KLF13: variants seen among roughly 807,000 people sequenced by gnomAD.
The protein encoded by KLF13 is KLF transcription factor 13, also known as Krueppel-like factor 13.
A neutral mutation model predicts 16.7 loss-of-function variants in KLF13; 8 were observed. That is an observed-to-expected ratio of 0.48 (90% CI 0.28 to 0.87). The LOEUF (loss-of-function observed/expected upper bound fraction) is 0.87, where lower values mean the gene tolerates loss of function less well. Ranked by LOEUF, KLF13 falls within the 40% of genes least tolerant of loss-of-function variation. The pLI is 0.10. For missense variants in KLF13, 447 were observed against 452.2 expected (o/e 0.99, Z 0.10); for synonymous variants, 245 against 208.4 (o/e 1.18, Z -1.51).
intron 1 of KLF13, among the ~76,000 whole-genome samples, chr15:31,364,106 G>A (rs200250870): frequency 2.8e-5 from 4 of 140,688 alleles, no homozygotes; most frequent in Non-Finnish European, 4.7e-5. Flanking sequence ...ACGAAACTGT[G>A]TTGAATCCTG....
At chr15:31,422,497 T>C (rs1027381046) in intron 1 of KLF13, among the ~76,000 whole-genome samples, 5 of 117,480 alleles carry the variant, frequency 4.3e-5, no homozygotes, top group African/African-American at 1.4e-4. Flanking sequence ...GGGGAAACCA[T>C]CCCCATGATC....
chr15:31,331,043 A>G (rs1401517270), intron 1 of KLF13, among the ~76,000 whole-genome samples: 1 of 152,126 alleles, frequency 6.6e-6, no homozygotes, highest in Non-Finnish European at 1.5e-5. Context: ...GAATGGGGAG[A>G]CTTGGCAGGC....
chr15:31,337,683 G>A (rs1218349904), intron 1 of KLF13, among the ~76,000 whole-genome samples: 6 of 152,348 alleles, frequency 3.9e-5, no homozygotes, highest in South Asian at 2.1e-4. Flanking sequence ...GTAGGCAACT[G>A]TAACACAATG....
At chr15:31,417,652 C>A (rs2040270847) in intron 1 of KLF13, among the ~76,000 whole-genome samples, 1 of 151,872 alleles carries the variant, frequency 6.6e-6, no homozygotes, top group East Asian at 1.9e-4. Flanking sequence ...AGGGATTCTC[C>A]TGTCTCAGCC....
At chr15:31,328,104 C>T (rs957624139) in intron 1 of KLF13, among the ~76,000 whole-genome samples, 42 of 134,772 alleles carry the variant, frequency 3.1e-4, no homozygotes, top group Non-Finnish European at 4.2e-4. Context: ...CCCTCCCGGC[C>T]GGGAGGCGGC....
upstream of KLF13, among the ~76,000 whole-genome samples, chr15:31,388,040 T>C (rs1018050320): frequency 6.6e-6 from 1 of 152,128 alleles, no homozygotes. Flanking sequence ...CAAGAACAGG[T>C]TTCATTGATC....
intron 1 of KLF13, among the ~76,000 whole-genome samples, chr15:31,422,443 A>G (rs2086183966): frequency 6.6e-6 from 1 of 152,118 alleles, no homozygotes; most frequent in African/African-American, 2.4e-5. Context: ...ATGCTTATAA[A>G]ACCATCAGAT....
Position 31,377,467 on chromosome 15 carries a change from T to C in KLF13, c.*5168T>C, listed in dbSNP as rs1382505877. Reference sequence around the variant, plus strand: ...TGCTTGTGTGCATGTGTTGGGTGCATGCTTCCGGGTCTCAGCTGCCCCAGG... The same window carrying C: ...TGCTTGTGTGCATGTGTTGGGTGCACGCTTCCGGGTCTCAGCTGCCCCAGG... On this transcript the variant is annotated 3_prime_UTR_variant, in exon 2 of 2. Transcript: ENST00000307145. 1 of 152,654 alleles carries C rather than the reference T, an allele frequency of 6.6e-6. No homozygotes were observed. Among genetic ancestry groups the C allele is most frequent in the Non-Finnish European group, 1.5e-5 (1 of 68,062 alleles). The allele number at this position is 152,654 out of a possible 1,614,324, so 9.5% of individuals were successfully genotyped here.
chr15:31,372,167 C>T lies in KLF13; in HGVS notation c.735C>T (p.His245=), dbSNP rs747606436. ...TGCGCAGCGACCACCTGACCAAGCA[C>T]GCGCGCCGCCACGCCAACTTCCACC... is the stretch of plus-strand genomic sequence containing the variant. ...RFMRSDHLTK[H]ARRHANFHPG... Residue 245 remains histidine (H), a synonymous_variant, in exon 2 of 2, where the codon CAC becomes CAT. Coordinates refer to ENST00000307145, the MANE Select transcript of KLF13 (RefSeq NM_015995.4). 2.5e-5 allele frequency: 40 copies of T among 1,612,490 alleles called. No homozygotes were observed. Among genetic ancestry groups the T allele is most frequent in the Middle Eastern group, 3.3e-4 (2 of 6,062 alleles).
chr15:31,334,874 C>T (rs7161899), intron 1 of KLF13, among the ~76,000 whole-genome samples: 8,496 of 152,256 alleles, frequency 0.056, 802 homozygotes, highest in African/African-American at 0.19. Flanking sequence ...GAGACAGCCA[C>T]CAGTGCAGTC....
chr15:31,327,777 A>C lies in KLF13; in HGVS notation c.565A>C (p.Arg189=), dbSNP rs1376936158. 2.0e-6 allele frequency: 3 copies of C among 1,528,642 alleles called. No homozygotes were observed. The highest frequency in any genetic ancestry group is 1.7e-4 in the Middle Eastern group (1 of 5,744). 94.7% of individuals were successfully genotyped at this position (1,528,642 alleles called of 1,614,324 possible). ...ATCTTCGCACCTCAAGGCGCACCTG[A>C]GAACTCACACAGGTCAGTGGGGCGG... The part of the protein sequence containing the change: ...GKSSHLKAHL[R]THTGERPFAC... Residue 189 remains arginine (R), a synonymous_variant, in exon 1 of 2, where the codon AGA becomes CGA. Transcript: ENST00000307145.
intron 1 of KLF13, among the ~76,000 whole-genome samples, chr15:31,415,177 C>T (rs961653227): frequency 3.9e-5 from 6 of 152,182 alleles, no homozygotes; most frequent in African/African-American, 1.4e-4. Flanking sequence ...CAGCCTATAG[C>T]TCTCACCAGA....
chr15:31,342,979 G>A (rs2039054225), intron 1 of KLF13, among the ~76,000 whole-genome samples: 1 of 152,264 alleles, frequency 6.6e-6, no homozygotes, highest in African/African-American at 2.4e-5. Context: ...GGACACTTGT[G>A]CCTGTTCCCC....
intron 1 of KLF13, among the ~76,000 whole-genome samples, chr15:31,336,723 C>T (rs1392734468): frequency 6.6e-6 from 1 of 152,126 alleles, no homozygotes; most frequent in Non-Finnish European, 1.5e-5. Flanking sequence ...CAGAACCTGA[C>T]TCCTTTGTTG....
At position 31,327,569 on chromosome 15, in the gene KLF13, C is replaced by G. The variant is rs1225599097; in HGVS notation, c.357C>G (p.Ser119Arg). The G allele has an allele frequency of 1.7e-6, 2 of 1,152,912 alleles. No homozygotes were observed. Among genetic ancestry groups the G allele is most frequent in the Non-Finnish European group, 1.1e-6 (1 of 932,648 alleles). 71.4% of individuals were successfully genotyped at this position (1,152,912 alleles called of 1,614,324 possible). The change falls in exon 1 of 2, where the codon AGC (serine) becomes AGG (arginine). Residue 119 changes from serine (S) to arginine (R), a missense_variant. By Grantham distance (110) the Ser-to-Arg change is moderately radical. This residue lies in a region of KLF13 where 359 missense variants were observed against 282.8 expected (regional missense o/e 1.27). Coordinates refer to ENST00000307145, the MANE Select transcript of KLF13 (RefSeq NM_015995.4). ...AAGGCGCGGCGGCCGCGCCCCCCAG[C>G]CCGGCGTGGAGCGAGCCGGAGCCCG... ...GAEGAAAAPPSPAWSEPEPEA... is the reference protein window; with the variant it reads ...GAEGAAAAPPRPAWSEPEPEA...
At position 31,374,271 on chromosome 15, in the gene KLF13, G is replaced by C. The variant is rs2039607622; in HGVS notation, c.*1972G>C. 1 of 152,430 alleles carries C rather than the reference G, an allele frequency of 6.6e-6. No homozygotes were observed. Among genetic ancestry groups the C allele is most frequent in the Non-Finnish European group, 1.5e-5 (1 of 68,116 alleles). 9.4% of individuals were successfully genotyped at this position (152,430 alleles called of 1,614,324 possible). A position where few individuals can be genotyped will look rare whatever the true frequency, so the allele number is the denominator to read the frequency against. On this transcript the variant is annotated 3_prime_UTR_variant, in exon 2 of 2. Coordinates refer to ENST00000307145, the MANE Select transcript of KLF13 (RefSeq NM_015995.4). ...GGTGGTGACTTCTAGGTAGACCGAT[G>C]GACCCTAAATTGGGCAGTGGCATTG...
intron 1 of KLF13, among the ~76,000 whole-genome samples, chr15:31,433,892 C>T (rs1311563601): frequency 6.6e-6 from 1 of 152,242 alleles, no homozygotes; most frequent in African/African-American, 2.4e-5. Flanking sequence ...GTGTGGTTTG[C>T]CTAGCTCAGG....
At chr15:31,383,834 A>G (rs61325750) in intron 1 of KLF13, among the ~76,000 whole-genome samples, 6,585 of 152,120 alleles carry the variant, frequency 0.043, 436 homozygotes, top group African/African-American at 0.14. Flanking sequence ...CCTGGGAGGC[A>G]GAGCTTGCAG....
chr15:31,388,532 C>T (rs567327951), upstream of KLF13, among the ~76,000 whole-genome samples: 5 of 150,134 alleles, frequency 3.3e-5, no homozygotes, highest in East Asian at 2.0e-4. Flanking sequence ...GCAGGAGAAT[C>T]GCTTGAACCC....
Sources: gnomAD v4.1 joint callset for allele counts (sites outside exome capture counted in the v4.1 genomes callset) on GRCh38, gnomAD v4.1.1 for gene constraint, gnomAD v4.1.1 regional missense constraint, MANE v1.5 for transcripts, NCBI Gene and HGNC (gene_info 2026-07-23, HGNC 2026-07-21) for gene names.